The following SLC35F1 variants were observed in gnomAD, a reference collection of about 807,000 sequenced individuals.
SLC35F1 encodes the protein chromosome 6 open reading frame 169.
In SLC35F1, 14 loss-of-function variants were observed where a neutral mutation model predicts 48.7. The observed-to-expected ratio is 0.29, with a 90% CI of 0.19 to 0.45. The LOEUF (loss-of-function observed/expected upper bound fraction) is 0.45. Ranked by LOEUF, SLC35F1 falls within the 20% of genes least tolerant of loss-of-function variation. SLC35F1 has a pLI of 1.00. For missense variants in SLC35F1, 404 were observed against 500.0 expected, an observed-to-expected ratio of 0.81 and a Z score of 1.83; for synonymous variants, 190 against 202.2, an observed-to-expected ratio of 0.94 and a Z score of 0.51.
At position 117,999,331 on chromosome 6, in the gene SLC35F1, C is replaced by G. The variant is rs561270674; in HGVS notation, c.173+91432C>G. ...GTATTGCCAAGGGGCTCAGGCTGTG[C>G]CGGCCAAAGGCCAAGGCCAAGGCCA... On this transcript the variant is annotated intron_variant, in intron 1 of 7. Coordinates refer to ENST00000360388, the MANE Select transcript of SLC35F1 (RefSeq NM_001029858.4). 65 of 1,595,194 alleles carry G rather than the reference C, an allele frequency of 4.1e-5. No homozygotes were observed. In the African/African-American group the frequency reaches 8.0e-4, roughly 20 times the overall value.
At chr6:118,227,646 A>G (rs1287209117) in intron 2 of SLC35F1, among the ~76,000 whole-genome samples, 1 of 144,184 alleles carries the variant, frequency 6.9e-6, no homozygotes, top group East Asian at 2.1e-4. Context: ...AGGGCAATTG[A>G]GCAGATTTTA....
chr6:118,026,660 A>C (rs917820262), intron 1 of SLC35F1, among the ~76,000 whole-genome samples: 5 of 152,210 alleles, frequency 3.3e-5, no homozygotes, highest in Admixed American at 6.5e-5. Flanking sequence ...TATTCAAAGG[A>C]TTTTAAAGTG....
chr6:118,030,456 C>T (rs1772029462), intron 1 of SLC35F1, among the ~76,000 whole-genome samples: 1 of 152,104 alleles, frequency 6.6e-6, no homozygotes, highest in Non-Finnish European at 1.5e-5. Context: ...CTCATCTGAC[C>T]CATTCTGGAA....
intron 1 of SLC35F1, among the ~76,000 whole-genome samples, chr6:117,920,295 A>G (rs1775880908): frequency 6.6e-6 from 1 of 152,186 alleles, no homozygotes; most frequent in Admixed American, 6.5e-5. Flanking sequence ...CTCGGACTAC[A>G]GAGGACCGGA....
chr6:118,065,009 G>C (rs1224988130), intron 1 of SLC35F1, among the ~76,000 whole-genome samples: 1 of 152,110 alleles, frequency 6.6e-6, no homozygotes, highest in Non-Finnish European at 1.5e-5. Flanking sequence ...GGTGAGGAAG[G>C]TCACCATAGA....
intron 1 of SLC35F1, among the ~76,000 whole-genome samples, chr6:118,061,510 A>C (rs1356915813): frequency 6.6e-6 from 1 of 151,782 alleles, no homozygotes; most frequent in Non-Finnish European, 1.5e-5. Context: ...TTCTCAGACA[A>C]CCTGTTAAAC....
intron 1 of SLC35F1, among the ~76,000 whole-genome samples, chr6:117,945,001 G>A (rs1162067925): frequency 6.6e-6 from 1 of 152,094 alleles, no homozygotes; most frequent in Non-Finnish European, 1.5e-5. Flanking sequence ...TTGGGTTTGG[G>A]GGAAACAACA....
At chr6:118,030,329 C>G (rs770890110) in intron 1 of SLC35F1, among the ~76,000 whole-genome samples, 1 of 152,146 alleles carries the variant, frequency 6.6e-6, no homozygotes, top group Admixed American at 6.5e-5. Flanking sequence ...TGTATAGAGT[C>G]GGTTTCTGCT....
chr6:117,943,510 A>G (rs930921077), intron 1 of SLC35F1, among the ~76,000 whole-genome samples: 5 of 152,226 alleles, frequency 3.3e-5, no homozygotes, highest in African/African-American at 4.8e-5. Flanking sequence ...AGTGATGGAC[A>G]TTGATACCAT....
intron 2 of SLC35F1, among the ~76,000 whole-genome samples, chr6:118,217,122 C>T (rs1775086300): frequency 6.6e-6 from 1 of 152,198 alleles, no homozygotes. Context: ...CTCAATTCCA[C>T]TTCTATATAC....
chr6:118,094,220 G>A (rs1773116758), intron 1 of SLC35F1, among the ~76,000 whole-genome samples: 1 of 152,060 alleles, frequency 6.6e-6, no homozygotes. Flanking sequence ...TGGAACTCAG[G>A]GCACAAATAG....
chr6:118,251,872 C>T (rs1172687622), intron 3 of SLC35F1, among the ~76,000 whole-genome samples: 1 of 152,104 alleles, frequency 6.6e-6, no homozygotes, highest in Non-Finnish European at 1.5e-5. Context: ...TTCTTACCCT[C>T]ATGAAGCTTC....
intron 2 of SLC35F1, among the ~76,000 whole-genome samples, chr6:118,232,500 A>G (rs1333232178): frequency 4.1e-5 from 6 of 147,046 alleles, no homozygotes; most frequent in Non-Finnish European, 8.9e-5. Context: ...GTGAGCCAAG[A>G]TCGCGCCATT....
At chr6:118,125,406 C>T (rs565913836) in intron 1 of SLC35F1, among the ~76,000 whole-genome samples, 25 of 151,480 alleles carry the variant, frequency 1.7e-4, no homozygotes, top group Non-Finnish European at 2.5e-4. Context: ...TTACTATAGA[C>T]GTAGGTTGAC....
intron 1 of SLC35F1, among the ~76,000 whole-genome samples, chr6:117,956,385 G>T (rs1340951623): frequency 6.6e-6 from 1 of 152,230 alleles, no homozygotes; most frequent in African/African-American, 2.4e-5. Flanking sequence ...CATATAAGGG[G>T]CAATGCAGAG....
chr6:118,119,398 G>C (rs1465741702), intron 1 of SLC35F1, among the ~76,000 whole-genome samples: 1 of 151,800 alleles, frequency 6.6e-6, no homozygotes, highest in African/African-American at 2.4e-5. Flanking sequence ...CACCCATGGG[G>C]ATTACTCAAC....
At chr6:118,129,569 G>A (rs922118312) in intron 1 of SLC35F1, among the ~76,000 whole-genome samples, 1 of 152,166 alleles carries the variant, frequency 6.6e-6, no homozygotes, top group African/African-American at 2.4e-5. Flanking sequence ...CTAGAAAGGG[G>A]ATGGTGGCTG....
At chr6:118,006,848 G>T (rs1287468939) in intron 1 of SLC35F1, among the ~76,000 whole-genome samples, 3 of 151,930 alleles carry the variant, frequency 2.0e-5, no homozygotes, top group Non-Finnish European at 4.4e-5. Context: ...TTAACCACTT[G>T]TTAACATGTA....
At chr6:118,248,399 G>T (rs924834083) in intron 3 of SLC35F1, among the ~76,000 whole-genome samples, 3 of 152,150 alleles carry the variant, frequency 2.0e-5, no homozygotes, top group Non-Finnish European at 4.4e-5. Context: ...TCATGATGTT[G>T]CTATGGTGAG....
Sources: allele counts gnomAD v4.1 joint callset (sites outside exome capture counted in the v4.1 genomes callset), GRCh38; gene constraint gnomAD v4.1.1; transcripts MANE v1.5; gene names NCBI Gene and HGNC (gene_info 2026-07-23, HGNC 2026-07-21).